The following GRIN3B variants were observed in gnomAD, a reference collection of about 807,000 sequenced individuals.
GRIN3B encodes glutamate ionotropic receptor NMDA type subunit 3B, also known as glutamate receptor ionotropic, NMDA 3B.
A neutral mutation model predicts 66.0 loss-of-function variants in GRIN3B; 77 were observed. The observed-to-expected ratio is 1.17, with a 90% CI of 0.97 to 1.41. GRIN3B has a LOEUF of 1.41. GRIN3B is among the 40% of genes most tolerant of loss of function. The probability of loss-of-function intolerance (pLI) is 0.00; values close to 1 mark genes in which losing one functional copy is unlikely to be tolerated. For missense variants in GRIN3B, 1,787 were observed against 1,564.5 expected (o/e 1.14, Z -2.40); for synonymous variants, 823 against 749.7 (o/e 1.10, Z -1.60).
At position 1,005,320 on chromosome 19, in the gene GRIN3B, G is replaced by C. The variant is rs751539188; in HGVS notation, c.1819G>C (p.Gly607Arg). 6.2e-7 allele frequency: 1 copy of C among 1,613,696 alleles called. No homozygotes were observed. The highest frequency in any genetic ancestry group is 2.2e-5 in the East Asian group (1 of 44,880). ...WRSPYGLTPR[G>R]RNRSTVFSYS... ...TAGCCCCTACGGCCTCACGCCACGTGGCCGCAACCGCAGCACCGTCTTCTC... is the reference window on the plus strand; with the variant it reads ...TAGCCCCTACGGCCTCACGCCACGTCGCCGCAACCGCAGCACCGTCTTCTC... The change falls in exon 3 of 9, where the codon GGC becomes CGC. Residue 607 changes from glycine to arginine, a missense_variant. By Grantham distance (125) the Gly-to-Arg change is moderately radical. Transcript: ENST00000234389. The surrounding 1 kb of genome is among the most constrained non-coding windows in gnomAD (Gnocchi z 5.2).
chr19:1,005,636 G>A lies in GRIN3B; in HGVS notation c.2052+83G>A. 9.0e-7 allele frequency: 1 copy of A among 1,116,092 alleles called. No individual in the cohort carries two copies. Among genetic ancestry groups the A allele is most frequent in the South Asian group, 1.6e-5 (1 of 61,644 alleles). The allele number at this position is 1,116,092 out of a possible 1,614,324, so 69.1% of individuals were successfully genotyped here. On this transcript the variant is annotated intron_variant, in intron 3 of 8. Coordinates refer to ENST00000234389, the MANE Select transcript of GRIN3B (RefSeq NM_138690.3). The surrounding 1 kb of genome is among the most constrained non-coding windows in gnomAD (Gnocchi z 5.2). The stretch of plus-strand genomic sequence containing the variant: ...GGGCTGTGTGGGGCAGGGGTGGTCA[G>A]CTGGACGTGGAGGACGTCCACTAGG...
In GRIN3B at chr19:1,007,758, G is replaced by T; in HGVS notation, c.2183G>T (p.Gly728Val). Residue 728 changes from glycine (G) to valine (V), a missense_variant, in exon 4 of 9, where the codon GGC becomes GTC. By Grantham distance (109) the Gly-to-Val change is moderately radical. Coordinates refer to ENST00000234389, the MANE Select transcript of GRIN3B (RefSeq NM_138690.3). This position sits in a 1 kb window ranked among gnomAD's most constrained non-coding sequence, Gnocchi z 4.4. ...RRHSAPTTPR[G>V]VAMLTSDPPK... ...CACAGCGCGCCCACCACGCCCCGCG[G>T]CGTCGCCATGCTCACGTGAGCCCGG... 6.6e-7 allele frequency: 1 copy of T among 1,516,108 alleles called. No individual in the cohort carries two copies. 93.9% of individuals were successfully genotyped at this position (1,516,108 alleles called of 1,614,324 possible).
At position 1,007,402 on chromosome 19, in the gene GRIN3B, G is replaced by A. The variant is rs1237443670; in HGVS notation, c.2053-226G>A. 6.6e-6 allele frequency among the ~76,000 whole-genome samples: 1 copy of A among 152,036 alleles called. No homozygotes were observed. The highest frequency in any genetic ancestry group is 1.5e-5 in the Non-Finnish European group (1 of 67,972). ...TTTAGAACAGAGGGTCTCCACCCGGGGTGATCCTGCCCCCCGCCCCAGGGG... is the reference window on the plus strand; with the variant it reads ...TTTAGAACAGAGGGTCTCCACCCGGAGTGATCCTGCCCCCCGCCCCAGGGG... On this transcript the variant is annotated intron_variant, in intron 3 of 8. Coordinates refer to ENST00000234389, the MANE Select transcript of GRIN3B (RefSeq NM_138690.3). This position sits in a 1 kb window ranked among gnomAD's most constrained non-coding sequence, Gnocchi z 4.4.
In GRIN3B at chr19:1,003,233, C is replaced by T; in HGVS notation, c.530C>T (p.Ala177Val). Reference protein sequence around the residue: ...QAHAWEDVGLALCRTQDPGGL... With the variant: ...QAHAWEDVGLVLCRTQDPGGL... The stretch of plus-strand genomic sequence containing the variant: ...CACGCCTGGGAAGACGTCGGCCTGG[C>T]CCTGTGCCGCACTCAGGACCCCGGC... Residue 177 changes from alanine to valine, a missense_variant, in exon 2 of 9, where the codon GCC becomes GTC. Ala to Val is a moderately conservative substitution (Grantham distance 64). Transcript: ENST00000234389. The T allele has an allele frequency of 6.3e-7, 1 of 1,575,562 alleles. No homozygotes were observed. The highest frequency in any genetic ancestry group is 1.8e-5 in the Admixed American group (1 of 55,426).
At position 1,005,124 on chromosome 19, in the gene GRIN3B, G is replaced by A; in HGVS notation, c.1623G>A (p.Val541=). Residue 541 remains valine (V), a synonymous_variant, in exon 3 of 9, where the codon GTG becomes GTA. Coordinates refer to ENST00000234389, the MANE Select transcript of GRIN3B (RefSeq NM_138690.3). The surrounding 1 kb of genome is among the most constrained non-coding windows in gnomAD (Gnocchi z 5.2). The part of the protein sequence containing the change: ...SFSINSARSQ[V]VDFTSPFFST... ...GTATCAACTCCGCCCGCTCACAGGT[G>A]GTGGACTTCACCAGCCCCTTCTTCT... 6.2e-7 allele frequency: 1 copy of A among 1,613,236 alleles called. No individual in the cohort carries two copies. The highest frequency in any genetic ancestry group is 8.5e-7 in the Non-Finnish European group (1 of 1,179,944).
At chr19:1,004,107 T>G (rs2038713655) in intron 2 of GRIN3B, among the ~76,000 whole-genome samples, 1 of 152,116 alleles carries the variant, frequency 6.6e-6, no homozygotes, top group Non-Finnish European at 1.5e-5. Context: ...TCAGGATGCT[T>G]TGTTAGATGT....
Position 1,008,264 on chromosome 19 carries a change from C to A in GRIN3B, c.2439C>A (p.Cys813Ter), listed in dbSNP as rs775574731. 8.2e-6 allele frequency: 12 copies of A among 1,455,774 alleles called. No individual in the cohort carries two copies. The highest frequency in any genetic ancestry group is 1.1e-5 in the Non-Finnish European group (12 of 1,085,532). The allele number at this position is 1,455,774 out of a possible 1,614,324, so 90.2% of individuals were successfully genotyped here. A position where few individuals can be genotyped will look rare whatever the true frequency, so the allele number is the denominator to read the frequency against. The change falls in exon 6 of 9, where the codon TGC becomes TGA. Residue 813 changes from cysteine (C) to a stop codon, truncating the protein, a stop_gained. Transcript: ENST00000234389. LOFTEE classifies it high-confidence loss of function. ...ACAAGTGGTACAAGATGGTGCCTTG[C>A]GGCAAGCGGGTCTTTGCGGTTACAG... ...LHDKWYKMVP[C>*]GKRVFAVTET...
intron 3 of GRIN3B, among the ~76,000 whole-genome samples, chr19:1,006,518 C>T (rs536082329): frequency 2.1e-4 from 32 of 151,662 alleles, no homozygotes; most frequent in African/African-American, 2.9e-4. Flanking sequence ...CTCAGCTCAC[C>T]GCAACCTCCA....
In GRIN3B at chr19:1,005,545, G is replaced by T; in HGVS notation, c.2044G>T (p.Asp682Tyr). ...KTFEELSGIH[D>Y]PKLHHPAQGF... is the part of the protein sequence containing the mutation. ...CTTCGAGGAGCTGTCGGGGATCCACGACCCCAAGGTGGGCGGCCTCGGGGG... is the reference window on the plus strand; with the variant it reads ...CTTCGAGGAGCTGTCGGGGATCCACTACCCCAAGGTGGGCGGCCTCGGGGG... Residue 682 changes from aspartate (D) to tyrosine (Y), a missense_variant, in exon 3 of 9, where the codon GAC becomes TAC. Physicochemically the swap from Asp to Tyr is radical, Grantham distance 160. Coordinates refer to ENST00000234389, the MANE Select transcript of GRIN3B (RefSeq NM_138690.3). The surrounding 1 kb of genome is among the most constrained non-coding windows in gnomAD (Gnocchi z 5.2). 6.3e-7 allele frequency: 1 copy of T among 1,595,888 alleles called. No homozygotes were observed. Among genetic ancestry groups the T allele is most frequent in the South Asian group, 1.1e-5 (1 of 89,398 alleles).
chr19:1,003,623 C>T lies in GRIN3B; in HGVS notation c.920C>T (p.Ala307Val), dbSNP rs576700288. ...CTGGTGGCCCGGGCGCTGGGCAGTG[C>T]GGCCCAGGTGCAGCCGAAGCGAGCC... ...VQLVARALGS[A>V]AQVQPKRALL... The change falls in exon 2 of 9, where the codon GCG (alanine) becomes GTG (valine). Residue 307 changes from alanine to valine, a missense_variant. Ala to Val is a moderately conservative substitution (Grantham distance 64, BLOSUM62 0). Transcript: ENST00000234389. 48 of 1,433,808 alleles carry T rather than the reference C, an allele frequency of 3.3e-5. No homozygotes were observed. Among genetic ancestry groups the T allele is most frequent in the African/African-American group, 9.0e-5 (6 of 66,940 alleles). 88.8% of individuals were successfully genotyped at this position (1,433,808 alleles called of 1,614,324 possible).
rs1049101165 is a variant in GRIN3B at position 1,000,580 on chromosome 19, T to TCGACCG, written c.145_146insACCGCG (p.Leu48_Ala49insAspArg). ...GGCGCCCTCCTGCCCCGCGCGCCTC[T>TCGACCG]CGCCCGCGCCCGCGCCCGCGCCGCC... On this transcript the variant is annotated inframe_insertion, in exon 1 of 9. Transcript: ENST00000234389. The TCGACCG allele has an allele frequency of 2.2e-5, 23 of 1,027,850 alleles. No individual in the cohort carries two copies. In the Admixed American group the frequency reaches 2.9e-4, roughly 13 times the overall value. The allele number at this position is 1,027,850 out of a possible 1,614,324, so 63.7% of individuals were successfully genotyped here.
Position 1,009,209 on chromosome 19 carries a change from C to G in GRIN3B, c.2739C>G (p.Asp913Glu). Reference sequence around the variant, plus strand: ...TGGAGCAGCAGCAGCAGCAGCAGGACCAGCCAACGGCTCCGGAGGGCTGGA... The same window carrying G: ...TGGAGCAGCAGCAGCAGCAGCAGGAGCAGCCAACGGCTCCGGAGGGCTGGA... The part of the protein sequence containing the change: ...PEVEQQQQQQ[D>E]QPTAPEGWKR... Residue 913 changes from aspartate to glutamate, a missense_variant, in exon 9 of 9, where the codon GAC (aspartate) becomes GAG (glutamate). Asp to Glu is a conservative substitution (Grantham distance 45). Transcript: ENST00000234389. 1 of 1,475,860 alleles carries G rather than the reference C, an allele frequency of 6.8e-7. No individual in the cohort carries two copies. Among genetic ancestry groups the G allele is most frequent in the Admixed American group, 2.5e-5 (1 of 39,626 alleles). 91.4% of individuals were successfully genotyped at this position (1,475,860 alleles called of 1,614,324 possible). A position where few individuals can be genotyped will look rare whatever the true frequency, so the allele number is the denominator to read the frequency against.
chr19:1,004,138 G>A (rs2038713965), intron 2 of GRIN3B, among the ~76,000 whole-genome samples: 1 of 152,224 alleles, frequency 6.6e-6, no homozygotes. Context: ...CGGAAGCAGT[G>A]CCCACCTGGG....
At chr19:1,008,819 C>A (rs753237891) in intron 7 of GRIN3B, 37 bp downstream of exon 7, 2 of 1,591,102 alleles carry the variant, frequency 1.3e-6, no homozygotes, top group East Asian at 2.3e-5. Flanking sequence ...CCCCACCCCC[C>A]CCGCCTCCTC....
Position 1,007,616 on chromosome 19 carries a change from T to C in GRIN3B, c.2053-12T>C. 2 of 1,480,262 alleles carry C rather than the reference T, an allele frequency of 1.4e-6. No homozygotes were observed. The highest frequency in any genetic ancestry group is 2.4e-5 in the Admixed American group (1 of 42,180). The allele number at this position is 1,480,262 out of a possible 1,614,324, so 91.7% of individuals were successfully genotyped here. A position where few individuals can be genotyped will look rare whatever the true frequency, so the allele number is the denominator to read the frequency against. On this transcript the variant is annotated splice_polypyrimidine_tract_variant and intron_variant, in intron 3 of 8. Coordinates refer to ENST00000234389, the MANE Select transcript of GRIN3B (RefSeq NM_138690.3). This position sits in a 1 kb window ranked among gnomAD's most constrained non-coding sequence, Gnocchi z 4.4. Reference sequence around the variant, plus strand: ...GGGGCAGGCAGAGGCGCTGACGGGGTCCCCCGCGCAGCTGCACCACCCGGC... The same window carrying C: ...GGGGCAGGCAGAGGCGCTGACGGGGCCCCCCGCGCAGCTGCACCACCCGGC...
rs201937512 is a variant in GRIN3B, at chr19:1,007,962, G to A, written c.2305G>A (p.Ala769Thr). The change falls in exon 5 of 9, where the codon GCC (alanine) becomes ACC (threonine). Residue 769 changes from alanine (A) to threonine (T), a missense_variant. Transcript: ENST00000234389. This position sits in a 1 kb window ranked among gnomAD's most constrained non-coding sequence, Gnocchi z 4.4. ...CKLLTVGKPF[A>T]IEGYGIGLPQ... is the part of the protein sequence containing the mutation. ...ACTGCTGACCGTGGGAAAGCCCTTC[G>A]CCATTGAGGGTGAGAGGCACCTGGG... The A allele has an allele frequency of 1.3e-4, 215 of 1,611,932 alleles. 1 individual carries two copies. Among genetic ancestry groups the A allele is most frequent in the Middle Eastern group, 3.3e-4 (2 of 6,058 alleles).
rs778400426 is a variant in GRIN3B, at chr19:1,009,394, C to A, written c.2924C>A (p.Thr975Lys). 5.0e-6 allele frequency: 7 copies of A among 1,413,672 alleles called. No homozygotes were observed. The South Asian group carries it at 5.8e-5, about 12-fold the overall frequency. 87.6% of individuals were successfully genotyped at this position (1,413,672 alleles called of 1,614,324 possible). Residue 975 changes from threonine (T) to lysine (K), a missense_variant, in exon 9 of 9, where the codon ACG becomes AAG. Physicochemically the swap from Thr to Lys is moderately conservative, Grantham distance 78. Transcript: ENST00000234389. ...GGCCGCCCGCCCGCCGCAAGGCCCA[C>A]GGGGGCCCCCCAGCCCGGGGAGCTG... ...SYGRPPAARP[T>K]GAPQPGELQE...
Position 1,008,271 on chromosome 19 carries a change from C to G in GRIN3B, c.2446C>G (p.Arg816Gly), listed in dbSNP as rs1286046297. 1.5e-6 allele frequency: 2 copies of G among 1,319,544 alleles called. No individual in the cohort carries two copies. The highest frequency in any genetic ancestry group is 1.0e-4 in the East Asian group (2 of 20,026). 81.7% of individuals were successfully genotyped at this position (1,319,544 alleles called of 1,614,324 possible). ...KWYKMVPCGK[R>G]VFAVTETLQM... ...GTACAAGATGGTGCCTTGCGGCAAGCGGGTCTTTGCGGTTACAGAGGTGGG... is the reference window on the plus strand; with the variant it reads ...GTACAAGATGGTGCCTTGCGGCAAGGGGGTCTTTGCGGTTACAGAGGTGGG... The change falls in exon 6 of 9, where the codon CGG (arginine) becomes GGG (glycine). Residue 816 changes from arginine to glycine, a missense_variant. Physicochemically the swap from Arg to Gly is moderately radical, Grantham distance 125. Transcript: ENST00000234389.
At position 1,008,132 on chromosome 19, in the gene GRIN3B, G is replaced by T; in HGVS notation, c.2315-8G>T. ...ACCTGGCCCCACCGCCTGGCCCCGC[G>T]CCCCCAGGCTATGGGATCGGACTGC... On this transcript the variant is annotated splice_polypyrimidine_tract_variant and splice_region_variant and intron_variant, in intron 5 of 8. Transcript: ENST00000234389. 1 of 1,585,982 alleles carries T rather than the reference G, an allele frequency of 6.3e-7. No individual in the cohort carries two copies. The highest frequency in any genetic ancestry group is 1.8e-5 in the Admixed American group (1 of 54,876).
Sources: allele counts gnomAD v4.1 joint callset (sites outside exome capture counted in the v4.1 genomes callset), GRCh38; gene constraint gnomAD v4.1.1; non-coding constraint Gnocchi (gnomAD v3.1); transcripts MANE v1.5; gene names NCBI Gene and HGNC (gene_info 2026-07-23, HGNC 2026-07-21).